ZNF600: variants seen among roughly 807,000 people sequenced by gnomAD.
ZNF600 encodes zinc finger protein 600.
In ZNF600, 4 loss-of-function variants were observed where a neutral mutation model predicts 7.3. The ratio of observed to expected loss-of-function variants is 0.55; its 90% CI spans 0.27 to 1.25. The LOEUF (loss-of-function observed/expected upper bound fraction) is 1.25. Among genes scored for constraint, ZNF600 ranks in the 50% most tolerant of loss-of-function variants. The pLI is 0.12. For missense variants in ZNF600, 911 were observed against 922.1 expected, an observed-to-expected ratio of 0.99 and a Z score of 0.16; for synonymous variants, 290 against 308.9, an observed-to-expected ratio of 0.94 and a Z score of 0.64.
At chr19:52,765,978 C>G (rs367604585) in exon 4 of ZNF600, 1 of 1,614,136 alleles carries the variant, frequency 6.2e-7, no homozygotes, top group Non-Finnish European at 8.5e-7. Flanking sequence ...GTATGAATTA[C>G]GCACGAAAGC....
chr19:52,811,014 C>T, the ZNF600 span, among the ~76,000 whole-genome samples: 1,283 of 142,520 alleles, frequency 9.0e-3, 24 homozygotes, highest in African/African-American at 0.031. Flanking sequence ...CTCAGCCTGC[C>T]GAGTGCCTGC....
chr19:52,799,224 A>C, the ZNF600 span: 1 of 398,110 alleles, frequency 2.5e-6, no homozygotes, highest in Non-Finnish European at 4.9e-6. Flanking sequence ...TTGAATTACA[A>C]GGTATGAATT....
At chr19:52,791,141 T>C (rs1377281495), upstream of ZNF600, among the ~76,000 whole-genome samples, 1 of 152,374 alleles carries the variant, frequency 6.6e-6, no homozygotes, top group African/African-American at 2.4e-5. Context: ...AGTATATGTT[T>C]CATATGTGGT....
chr19:52,798,720 T>C, the ZNF600 span: 2 of 478,024 alleles, frequency 4.2e-6, no homozygotes, highest in Admixed American at 2.5e-5. Flanking sequence ...CGATGATGAA[T>C]AGCAATATAT....
the ZNF600 span, among the ~76,000 whole-genome samples, chr19:52,823,620 G>A: frequency 6.6e-6 from 1 of 152,128 alleles, no homozygotes; most frequent in Non-Finnish European, 1.5e-5. Context: ...CTTTAAATTT[G>A]AAATATTTGA....
At chr19:52,791,822 G>A in the ZNF600 span, among the ~76,000 whole-genome samples, 9 of 152,134 alleles carry the variant, frequency 5.9e-5, no homozygotes, top group Non-Finnish European at 1.3e-4. Context: ...TGGGGAGCTG[G>A]GCTGGACTGA....
the ZNF600 span, chr19:52,817,881 C>T: frequency 6.2e-7 from 1 of 1,607,100 alleles, no homozygotes; most frequent in Non-Finnish European, 8.5e-7. Context: ...AGACTCCCAA[C>T]TCCAAGGCCC....
the ZNF600 span, among the ~76,000 whole-genome samples, chr19:52,821,083 C>A: frequency 3.3e-5 from 5 of 151,932 alleles, no homozygotes; most frequent in Non-Finnish European, 7.4e-5. Context: ...GCGGTGACTG[C>A]GGAGGGGAGA....
the ZNF600 span, chr19:52,810,673 CG>C: frequency 1.1e-6 from 1 of 917,430 alleles, no homozygotes. Flanking sequence ...CTACAGGGGC[CG>C]GGCTAGAGCG....
the ZNF600 span, chr19:52,799,019 T>TAACA: frequency 1.3e-6 from 1 of 747,052 alleles, no homozygotes; most frequent in Non-Finnish European, 2.1e-6. Flanking sequence ...CTTACATTTG[T>TAACA]ATGTTTTTTC....
At chr19:52,830,884 T>A in the ZNF600 span, among the ~76,000 whole-genome samples, 17 of 140,494 alleles carry the variant, frequency 1.2e-4, 2 homozygotes, top group African/African-American at 4.8e-4. Flanking sequence ...TGTGGGAATA[T>A]AATTCCACCA....
At chr19:52,771,880 T>C (rs1281639291) in intron 3 of ZNF600, among the ~76,000 whole-genome samples, 1 of 152,162 alleles carries the variant, frequency 6.6e-6, no homozygotes, top group Non-Finnish European at 1.5e-5. Flanking sequence ...TTCAAAGTGC[T>C]GGAATTAGAG....
the ZNF600 span, among the ~76,000 whole-genome samples, chr19:52,822,754 C>T: frequency 6.6e-6 from 1 of 152,130 alleles, no homozygotes; most frequent in Non-Finnish European, 1.5e-5. Context: ...TACTTTAACC[C>T]ACGTCTTTTT....
At chr19:52,820,001 T>C in the ZNF600 span, among the ~76,000 whole-genome samples, 1 of 145,258 alleles carries the variant, frequency 6.9e-6, no homozygotes, top group East Asian at 2.0e-4. Context: ...GTGGGTGGAT[T>C]ACCTGAGGTC....
At chr19:52,810,082 G>C in the ZNF600 span, 9 of 767,068 alleles carry the variant, frequency 1.2e-5, no homozygotes, top group South Asian at 2.9e-5. Flanking sequence ...CCTGGGCCTC[G>C]TTCAGGAGCC....
Position 52,777,153 on chromosome 19 carries a change from G to A in ZNF600, c.63+1673C>T, listed in dbSNP as rs185895522. Reference sequence around the variant, plus strand: ...CCCAGCACTATGGGAGGCTGAGGTGGATGAATCACAAGGTCAGGAGTTCGA... The same window carrying A: ...CCCAGCACTATGGGAGGCTGAGGTGAATGAATCACAAGGTCAGGAGTTCGA... On this transcript the variant is annotated intron_variant, in intron 2 of 3. Coordinates refer to ENST00000648973, the Ensembl canonical transcript of ZNF600. 5.2e-3 allele frequency among the ~76,000 whole-genome samples: 797 copies of A among 152,174 alleles called. 5 individuals are homozygous for A. The highest frequency in any genetic ancestry group is 8.0e-3 in the Non-Finnish European group (541 of 68,020).
the ZNF600 span, among the ~76,000 whole-genome samples, chr19:52,795,677 C>T: frequency 2.6e-5 from 4 of 152,118 alleles, no homozygotes; most frequent in Non-Finnish European, 4.4e-5. Flanking sequence ...AGCGATTCTC[C>T]TGCCTCAGCC....
the ZNF600 span, chr19:52,800,556 CTA>C: frequency 4.8e-5 from 77 of 1,604,638 alleles, no homozygotes; most frequent in Non-Finnish European, 6.2e-5. Flanking sequence ...GTGAATTATA[CTA>C]TGTTTTGCCA....
chr19:52,826,215 A>G, the ZNF600 span, among the ~76,000 whole-genome samples: 1 of 151,876 alleles, frequency 6.6e-6, no homozygotes, highest in African/African-American at 2.4e-5. Flanking sequence ...GCAATAATAG[A>G]ACAAATTATC....
Sources: gnomAD v4.1 joint callset for allele counts (sites outside exome capture counted in the v4.1 genomes callset) on GRCh38, gnomAD v4.1.1 for gene constraint, MANE v1.5 for transcripts, NCBI Gene and HGNC (gene_info 2026-07-23, HGNC 2026-07-21) for gene names.